TANGO2: variants seen among roughly 807,000 people sequenced by gnomAD.
The protein encoded by TANGO2 is transport and golgi organization 2 homolog, also known as transport and Golgi organization protein 2 homolog.
TANGO2 carries 26 observed loss-of-function variants against 39.1 expected under a neutral mutation model. That is an observed-to-expected ratio of 0.67 (90% CI 0.49 to 0.92). The LOEUF (loss-of-function observed/expected upper bound fraction) is 0.92, where lower values mean the gene tolerates loss of function less well. Ranked by LOEUF, TANGO2 falls within the 40% of genes least tolerant of loss-of-function variation. The pLI is 0.00. For synonymous variants in TANGO2, 131 were observed against 144.5 expected (o/e 0.91, Z 0.67); for missense variants, 326 against 360.1 (o/e 0.91, Z 0.77).
intron 1 of TANGO2, 78 bp from the exon 2 acceptor site, chr22:20,036,682 T>C (rs923696831): frequency 3.6e-5 from 45 of 1,234,222 alleles, no homozygotes; most frequent in Non-Finnish European, 4.7e-5. Context: ...GTTCTCTCTG[T>C]TCTGGCCTGT....
chr22:20,043,251 A>G (rs2044325301), intron 2 of TANGO2, 104 bp from the exon 3 acceptor site: 1 of 797,402 alleles, frequency 1.3e-6, no homozygotes, highest in Non-Finnish European at 2.1e-6. Context: ...CCTCTCTGAG[A>G]CTGGCCCTTG....
In TANGO2 at chr22:20,063,497, T is replaced by C. The variant is rs45587538; in HGVS notation, c.710+55T>C. On this transcript the variant is annotated intron_variant, in intron 8 of 8. Transcript: ENST00000327374. ...CTATCCCATGTCCCACCTCCCACGC[T>C]AGAGGGCCGGCAAAGAAGCCAAGTG... 2.6e-3 allele frequency: 3,840 copies of C among 1,478,234 alleles called. 10 individuals are homozygous for C. Among genetic ancestry groups the C allele is most frequent in the Middle Eastern group, 7.1e-3 (41 of 5,762 alleles). 91.6% of individuals were successfully genotyped at this position (1,478,234 alleles called of 1,614,324 possible).
intron 3 of TANGO2, among the ~76,000 whole-genome samples, chr22:20,047,622 A>G (rs1476631322): frequency 6.6e-6 from 1 of 152,030 alleles, no homozygotes; most frequent in African/African-American, 2.4e-5. Flanking sequence ...TTCCCCAAAC[A>G]CTAAGCCCCT....
At chr22:20,051,193 T>C (rs2046279544) in intron 3 of TANGO2, among the ~76,000 whole-genome samples, 1 of 151,952 alleles carries the variant, frequency 6.6e-6, no homozygotes, top group Non-Finnish European at 1.5e-5. Context: ...ATTTTTGATC[T>C]TTACATCTTT....
At position 20,057,027 on chromosome 22, in the gene TANGO2, C is replaced by T. The variant is rs1012913761; in HGVS notation, c.451+1014C>T. 2.2e-5 allele frequency: 10 copies of T among 447,168 alleles called. 1 individual carries two copies. Among genetic ancestry groups the T allele is most frequent in the South Asian group, 1.1e-4 (7 of 64,110 alleles). 27.7% of individuals were successfully genotyped at this position (447,168 alleles called of 1,614,324 possible). ...TGGCTCCTCTGAAGCTCCATGCCCACGTCACACAGACTTTCTTTTGCATTT... is the reference window on the plus strand; with the variant it reads ...TGGCTCCTCTGAAGCTCCATGCCCATGTCACACAGACTTTCTTTTGCATTT... On this transcript the variant is annotated intron_variant, in intron 6 of 8. Transcript: ENST00000327374. The surrounding 1 kb of genome is among the most constrained non-coding windows in gnomAD (Gnocchi z 4.1).
intron 3 of TANGO2, among the ~76,000 whole-genome samples, chr22:20,050,241 C>G (rs1257045325): frequency 6.6e-6 from 1 of 151,816 alleles, no homozygotes; most frequent in East Asian, 1.9e-4. Context: ...ACTATTGAAT[C>G]TTTCAGTGAA....
intron 1 of TANGO2, among the ~76,000 whole-genome samples, chr22:20,034,203 CAACAAA>C (rs969875944): frequency 3.1e-4 from 47 of 151,740 alleles, no homozygotes; most frequent in African/African-American, 1.1e-3. Context: ...AAAACAACAA[CAACAAA>C]AAAAAACCGA....
chr22:20,048,787 C>T (rs569980372), intron 3 of TANGO2, among the ~76,000 whole-genome samples: 7 of 152,218 alleles, frequency 4.6e-5, no homozygotes, highest in Admixed American at 3.3e-4. Flanking sequence ...GCTGGGACTA[C>T]AAGCATGCAC....
chr22:20,056,609 T>C (rs1366549646), intron 6 of TANGO2: 1 of 456,716 alleles, frequency 2.2e-6, no homozygotes, highest in South Asian at 1.5e-5. Flanking sequence ...GGTGCTGCGA[T>C]TTCCTGGAAG....
At chr22:20,053,272 C>A in intron 4 of TANGO2, 165 bp from the exon 5 acceptor site, 1 of 583,546 alleles carries the variant, frequency 1.7e-6, no homozygotes, top group Non-Finnish European at 3.1e-6. Flanking sequence ...GAGTGGCAGC[C>A]AGGCTAATGA....
At chr22:20,045,499 C>CTTTT (rs695487) in intron 3 of TANGO2, among the ~76,000 whole-genome samples, 18 of 112,500 alleles carry the variant, frequency 1.6e-4, no homozygotes, top group African/African-American at 2.5e-4. Flanking sequence ...GCCATCACTT[C>CTTTT]TTTTTTTTTT....
chr22:20,021,685 A>AC (rs1176003896), intron 1 of TANGO2, among the ~76,000 whole-genome samples: 5 of 152,044 alleles, frequency 3.3e-5, no homozygotes, highest in Admixed American at 3.3e-4. Context: ...TAGATCCCCC[A>AC]CCCCCAACTC....
intron 4 of TANGO2, among the ~76,000 whole-genome samples, chr22:20,053,175 G>T (rs1276842568): frequency 6.6e-6 from 1 of 152,150 alleles, no homozygotes; most frequent in Non-Finnish European, 1.5e-5. Flanking sequence ...ACTGAAAGGT[G>T]TTGTTTACTT....
At chr22:20,034,773 G>C (rs2531724) in intron 1 of TANGO2, among the ~76,000 whole-genome samples, 1 of 152,092 alleles carries the variant, frequency 6.6e-6, no homozygotes, top group Non-Finnish European at 1.5e-5. Flanking sequence ...CTTCGCCCCC[G>C]AGGCCACCAG....
chr22:20,064,689 C>A lies in TANGO2; in HGVS notation c.*27C>A. 6.2e-7 allele frequency: 1 copy of A among 1,612,672 alleles called. No individual in the cohort carries two copies. The highest frequency in any genetic ancestry group is 1.1e-5 in the South Asian group (1 of 91,002). ...CCCACCTCTGGGCCTGGCCAGTGGG[C>A]TCCTGGGGGGCCCTGCCTTGAGGGG... On this transcript the variant is annotated 3_prime_UTR_variant, in exon 9 of 9. Coordinates refer to ENST00000327374, the MANE Select transcript of TANGO2 (RefSeq NM_152906.7).
At position 20,043,455 on chromosome 22, in the gene TANGO2, T is replaced by C; in HGVS notation, c.145+12T>C. On this transcript the variant is annotated intron_variant, in intron 3 of 8. Transcript: ENST00000327374. The stretch of plus-strand genomic sequence containing the variant: ...CGAGATCCTCAGTGGTGAGTCTTCC[T>C]GCGTGCTCAGCGGTGGCTGCGCCTT... The C allele has an allele frequency of 6.2e-7, 1 of 1,600,570 alleles. No homozygotes were observed. The highest frequency in any genetic ancestry group is 1.3e-5 in the African/African-American group (1 of 74,784).
intron 2 of TANGO2, 111 bp from the exon 3 acceptor site, chr22:20,043,244 C>G (rs1327792872): frequency 1.3e-6 from 1 of 774,100 alleles, no homozygotes; most frequent in Non-Finnish European, 2.2e-6. Context: ...TTCCTGCCCT[C>G]TCTGAGACTG....
chr22:20,045,040 C>G (rs930613163), intron 3 of TANGO2, among the ~76,000 whole-genome samples: 1 of 152,190 alleles, frequency 6.6e-6, no homozygotes, highest in Admixed American at 6.5e-5. Flanking sequence ...CCCACATCCT[C>G]TCACTCTCTG....
chr22:20,033,210 C>T (rs201903819), intron 1 of TANGO2: 54 of 526,900 alleles, frequency 1.0e-4, no homozygotes, highest in Middle Eastern at 3.2e-4. Context: ...TCCTCTGGTC[C>T]TTCCCTCCCA....
Sources: allele counts gnomAD v4.1 joint callset (sites outside exome capture counted in the v4.1 genomes callset), GRCh38; gene constraint gnomAD v4.1.1; non-coding constraint Gnocchi (gnomAD v3.1); transcripts MANE v1.5; gene names NCBI Gene and HGNC (gene_info 2026-07-23, HGNC 2026-07-21).